Variants in LRP1B observed in about 807,000 individuals in gnomAD.
LRP1B encodes low-density lipoprotein receptor-related protein 1B.
Under a neutral mutation model 556.6 loss-of-function variants are expected in LRP1B, and 217 were observed. That is an observed-to-expected ratio of 0.39 (90% CI 0.35 to 0.44). The LOEUF (loss-of-function observed/expected upper bound fraction) is 0.44. LRP1B is among the 20% of genes least tolerant of loss of function. LRP1B has a pLI of 1.00. For synonymous variants in LRP1B, 2,047 were observed against 1,865.8 expected (o/e 1.10, Z -2.50); for missense variants, 5,053 against 5,620.8 (o/e 0.90, Z 3.23).
At chr2:142,113,757 A>T (rs1041324862) in intron 1 of LRP1B, among the ~76,000 whole-genome samples, 7 of 152,070 alleles carry the variant, frequency 4.6e-5, no homozygotes, top group African/African-American at 1.7e-4. Context: ...TTTACCAGTT[A>T]GTTCATTGGG....
intron 2 of LRP1B, among the ~76,000 whole-genome samples, chr2:141,724,272 T>C (rs550990004): frequency 3.3e-5 from 5 of 152,028 alleles, no homozygotes; most frequent in African/African-American, 1.2e-4. Flanking sequence ...TAAAATTACC[T>C]CATCTTATTT....
At chr2:140,245,183 A>G (rs1443472667) in intron 87 of LRP1B, among the ~76,000 whole-genome samples, 1 of 151,372 alleles carries the variant, frequency 6.6e-6, no homozygotes, top group African/African-American at 2.4e-5. Flanking sequence ...GAGCTTCAGA[A>G]TCATTGGAAA....
chr2:140,466,706 C>A (rs1573970720), intron 60 of LRP1B, among the ~76,000 whole-genome samples: 2 of 152,020 alleles, frequency 1.3e-5, no homozygotes, highest in East Asian at 3.9e-4. Context: ...TGACTTAACA[C>A]AAGGTTAAAT....
chr2:140,677,876 C>CAAA (rs56656451), intron 41 of LRP1B, among the ~76,000 whole-genome samples: 23 of 75,240 alleles, frequency 3.1e-4, no homozygotes, highest in African/African-American at 5.3e-4. Flanking sequence ...AACTATGTCT[C>CAAA]AAAAAAAAAA....
chr2:140,593,965 C>T (rs759837423), intron 43 of LRP1B, among the ~76,000 whole-genome samples: 2 of 151,700 alleles, frequency 1.3e-5, no homozygotes, highest in African/African-American at 2.4e-5. Flanking sequence ...CAAACACATG[C>T]CCATGACACA....
At chr2:140,749,669 G>A (rs948831458) in intron 35 of LRP1B, among the ~76,000 whole-genome samples, 89 of 152,248 alleles carry the variant, frequency 5.8e-4, no homozygotes, top group African/African-American at 2.1e-3. Flanking sequence ...CATCTCCTAT[G>A]ATAACAATGC....
Position 140,818,309 on chromosome 2 carries a change from A to G in LRP1B, c.5210-4503T>C, listed in dbSNP as rs577482928. 6.6e-4 allele frequency among the ~76,000 whole-genome samples: 100 copies of G among 152,336 alleles called. 2 individuals carry two copies. The highest frequency in any genetic ancestry group is 3.4e-3 in the Middle Eastern group (1 of 294). ...TCTTTTTCTGGCACTAACTTCAGAC[A>G]GTAGAAAACAACTCCTTCTACTTCT... On this transcript the variant is annotated intron_variant, in intron 31 of 90. Coordinates refer to ENST00000389484, the MANE Select transcript of LRP1B (RefSeq NM_018557.3).
chr2:141,301,639 A>G (rs555740660), intron 3 of LRP1B, among the ~76,000 whole-genome samples: 2 of 152,214 alleles, frequency 1.3e-5, no homozygotes, highest in Non-Finnish European at 1.5e-5. Flanking sequence ...TGCCACTACC[A>G]GAATATAAGT....
chr2:142,017,667 G>A (rs775355070), intron 1 of LRP1B, among the ~76,000 whole-genome samples: 1 of 152,088 alleles, frequency 6.6e-6, no homozygotes, highest in Non-Finnish European at 1.5e-5. Flanking sequence ...TTGTGCCCAA[G>A]AGTTTTGAGA....
intron 1 of LRP1B, among the ~76,000 whole-genome samples, chr2:141,888,783 G>T (rs1246509176): frequency 2.0e-5 from 3 of 152,122 alleles, no homozygotes; most frequent in South Asian, 2.1e-4. Context: ...GCTGGAAGTA[G>T]GTTGGAGGAC....
chr2:141,877,741 T>C (rs1438368549), intron 1 of LRP1B, among the ~76,000 whole-genome samples: 1 of 152,008 alleles, frequency 6.6e-6, no homozygotes, highest in Admixed American at 6.6e-5. Context: ...GGTAGAGTGT[T>C]GAATCAGAAG....
chr2:141,894,018 T>G (rs1037150128), intron 1 of LRP1B, among the ~76,000 whole-genome samples: 1 of 152,170 alleles, frequency 6.6e-6, no homozygotes, highest in Non-Finnish European at 1.5e-5. Context: ...TGAATGCTTG[T>G]GTTACCAGTC....
chr2:141,059,472 A>G (rs1699278446), intron 8 of LRP1B, among the ~76,000 whole-genome samples: 1 of 151,782 alleles, frequency 6.6e-6, no homozygotes, highest in South Asian at 2.1e-4. Flanking sequence ...TCTCCCTGTG[A>G]AAAGACTAAT....
At chr2:141,659,189 C>T (rs1690121967) in intron 2 of LRP1B, among the ~76,000 whole-genome samples, 1 of 152,120 alleles carries the variant, frequency 6.6e-6, no homozygotes, top group Non-Finnish European at 1.5e-5. Context: ...CAGCATAAGC[C>T]ACTGTACCAG....
chr2:141,330,768 T>C lies in LRP1B; in HGVS notation c.344-76127A>G, dbSNP rs539823479. On this transcript the variant is annotated intron_variant, in intron 3 of 90. Transcript: ENST00000389484. ...CAAACTTTTTTTTTTTTTTTTTTTT[T>C]TTGAGACAGAGTCTCGCTCCGTCGC... is the stretch of plus-strand genomic sequence containing the variant. Among the ~76,000 whole-genome samples, 9 of 104,040 alleles carry C rather than the reference T, an allele frequency of 8.7e-5. 1 individual carries two copies. The East Asian group carries it at 2.0e-3, about 23-fold the overall frequency. 68.3% of individuals were successfully genotyped at this position (104,040 alleles called of 152,430 possible).
At chr2:141,739,200 T>A (rs1218984065) in intron 2 of LRP1B, among the ~76,000 whole-genome samples, 1 of 152,140 alleles carries the variant, frequency 6.6e-6, no homozygotes, top group East Asian at 1.9e-4. Flanking sequence ...TTAAAGTTTG[T>A]TTTTTATTCT....
intron 2 of LRP1B, among the ~76,000 whole-genome samples, chr2:141,621,072 T>C (rs1199147196): frequency 3.9e-5 from 6 of 152,172 alleles, no homozygotes; most frequent in Non-Finnish European, 7.4e-5. Context: ...CTTGAGAAAG[T>C]AAAATGTTAA....
chr2:141,748,044 A>G (rs1391707342), intron 2 of LRP1B, among the ~76,000 whole-genome samples: 1 of 152,172 alleles, frequency 6.6e-6, no homozygotes, highest in Non-Finnish European at 1.5e-5. Flanking sequence ...ATCCTAAACT[A>G]TGAAAGGATG....
intron 48 of LRP1B, 89 bp downstream of exon 48, chr2:140,526,148 G>T: frequency 7.1e-7 from 1 of 1,416,796 alleles, no homozygotes; most frequent in South Asian, 1.2e-5. Flanking sequence ...ACCAATTTTG[G>T]ACAAAGTTCA....
Sources: gnomAD v4.1 joint callset for allele counts (sites outside exome capture counted in the v4.1 genomes callset) on GRCh38, gnomAD v4.1.1 for gene constraint, MANE v1.5 for transcripts, NCBI Gene and HGNC (gene_info 2026-07-23, HGNC 2026-07-21) for gene names.